Variants in PDZRN4 observed in about 807,000 individuals in gnomAD.
The protein encoded by PDZRN4 is PDZ domain containing ring finger 4.
PDZRN4 carries 70 observed loss-of-function variants against 99.0 expected under a neutral mutation model. That is an observed-to-expected ratio of 0.71 (90% CI 0.58 to 0.86). The LOEUF (loss-of-function observed/expected upper bound fraction) is 0.86, where lower values mean the gene tolerates loss of function less well. Ranked by LOEUF, PDZRN4 falls within the 40% of genes least tolerant of loss-of-function variation. The pLI, the probability that PDZRN4 is intolerant of heterozygous loss-of-function variation, is 0.00. For missense variants in PDZRN4, 1,474 were observed against 1,331.2 expected (o/e 1.11, Z -1.67); for synonymous variants, 551 against 501.6 (o/e 1.10, Z -1.32).
At chr12:41,499,067 AAG>A (rs142124646) in intron 3 of PDZRN4, among the ~76,000 whole-genome samples, 1 of 149,166 alleles carries the variant, frequency 6.7e-6, no homozygotes, top group African/African-American at 2.5e-5. Context: ...AGGGAATAGC[AAG>A]AGAGAGAGAG....
chr12:41,221,637 G>T (rs76453656), intron 3 of PDZRN4, among the ~76,000 whole-genome samples: 4,395 of 152,072 alleles, frequency 0.029, 163 homozygotes, highest in East Asian at 0.16. Context: ...GTAATTTAAG[G>T]CTTTTCAGGC....
chr12:41,279,333 G>A (rs1951369022), intron 3 of PDZRN4, among the ~76,000 whole-genome samples: 1 of 152,184 alleles, frequency 6.6e-6, no homozygotes, highest in South Asian at 2.1e-4. Context: ...ATTATTTCTA[G>A]TCATCTCAGC....
At chr12:41,274,221 T>TA (rs934611026) in intron 3 of PDZRN4, among the ~76,000 whole-genome samples, 2 of 152,100 alleles carry the variant, frequency 1.3e-5, no homozygotes, top group African/African-American at 2.4e-5. Flanking sequence ...TCAGGGTTTT[T>TA]AAAAAAACAG....
chr12:41,477,382 C>T (rs1937613091), intron 3 of PDZRN4, among the ~76,000 whole-genome samples: 1 of 152,102 alleles, frequency 6.6e-6, no homozygotes, highest in Non-Finnish European at 1.5e-5. Flanking sequence ...AATGAACAGG[C>T]TCTCACACAA....
chr12:41,200,521 G>A (rs574234689), intron 3 of PDZRN4, among the ~76,000 whole-genome samples: 4 of 152,076 alleles, frequency 2.6e-5, no homozygotes, highest in African/African-American at 9.7e-5. Context: ...CTAAACTCCT[G>A]AGAAGGGAAA....
chr12:41,430,311 A>C (rs945310141), intron 3 of PDZRN4, among the ~76,000 whole-genome samples: 11 of 152,170 alleles, frequency 7.2e-5, no homozygotes, highest in African/African-American at 2.7e-4. Context: ...TCTACTAAAA[A>C]TACAAAAATT....
intron 5 of PDZRN4, among the ~76,000 whole-genome samples, chr12:41,521,958 G>A (rs1938499593): frequency 1.3e-5 from 2 of 152,090 alleles, no homozygotes. Context: ...TGGAAGGGTA[G>A]TGTTTTTCCA....
chr12:41,308,574 G>A (rs1951586422), intron 3 of PDZRN4, among the ~76,000 whole-genome samples: 1 of 152,156 alleles, frequency 6.6e-6, no homozygotes, highest in African/African-American at 2.4e-5. Flanking sequence ...TCCAAACTGA[G>A]CACTAGAAAT....
chr12:41,480,761 G>A (rs1158954827), intron 3 of PDZRN4, among the ~76,000 whole-genome samples: 1 of 151,770 alleles, frequency 6.6e-6, no homozygotes, highest in African/African-American at 2.4e-5. Flanking sequence ...TAGGGGAGTA[G>A]GAATAGAAAG....
At chr12:41,410,624 C>A (rs1952390762) in intron 3 of PDZRN4, among the ~76,000 whole-genome samples, 1 of 152,036 alleles carries the variant, frequency 6.6e-6, no homozygotes, top group Admixed American at 6.6e-5. Context: ...TTGTTGGGTA[C>A]CCCATCCAGG....
rs1033919344 is a variant in PDZRN4 at position 41,188,379 on chromosome 12, G to A, written c.-77G>A. The A allele has an allele frequency of 2.2e-6, 3 of 1,361,840 alleles. No individual in the cohort carries two copies. The highest frequency in any genetic ancestry group is 3.0e-5 in the African/African-American group (2 of 66,736). The allele number at this position is 1,361,840 out of a possible 1,614,324, so 84.4% of individuals were successfully genotyped here. A position where few individuals can be genotyped will look rare whatever the true frequency, so the allele number is the denominator to read the frequency against. On this transcript the variant is annotated 5_prime_UTR_variant, in exon 1 of 10. Transcript: ENST00000402685. ...CGCCGCCGCGAGACGGCTGCCCCGG[G>A]GGTGGCCCGGGGAAGGCAGGGGGGC...
chr12:41,448,846 C>G (rs1163678320), intron 3 of PDZRN4, among the ~76,000 whole-genome samples: 1 of 152,024 alleles, frequency 6.6e-6, no homozygotes, highest in Non-Finnish European at 1.5e-5. Flanking sequence ...CAAGCTATAT[C>G]CCAGTTTCAG....
chr12:41,478,792 CTG>C (rs1937628994), intron 3 of PDZRN4, among the ~76,000 whole-genome samples: 1 of 152,100 alleles, frequency 6.6e-6, no homozygotes, highest in Non-Finnish European at 1.5e-5. Flanking sequence ...ACAACACACA[CTG>C]TTCCTGATAT....
intron 3 of PDZRN4, among the ~76,000 whole-genome samples, chr12:41,343,565 T>C (rs1951831915): frequency 6.6e-6 from 1 of 151,506 alleles, no homozygotes; most frequent in Non-Finnish European, 1.5e-5. Context: ...AAGCAGTGTT[T>C]ACCAGAGACT....
At chr12:41,521,048 C>T (rs1159954429) in intron 5 of PDZRN4, among the ~76,000 whole-genome samples, 2 of 152,136 alleles carry the variant, frequency 1.3e-5, no homozygotes, top group East Asian at 1.9e-4. Context: ...GTTTTGGAAC[C>T]GAAATCTAAT....
At chr12:41,518,840 T>G (rs1346819917) in intron 5 of PDZRN4, among the ~76,000 whole-genome samples, 1 of 151,920 alleles carries the variant, frequency 6.6e-6, no homozygotes, top group East Asian at 2.0e-4. Flanking sequence ...TCCCACCTAG[T>G]CAAGAGACTG....
intron 3 of PDZRN4, among the ~76,000 whole-genome samples, chr12:41,376,202 C>G (rs1952078414): frequency 6.6e-6 from 1 of 152,072 alleles, no homozygotes; most frequent in Non-Finnish European, 1.5e-5. Flanking sequence ...GTGCTGGTAT[C>G]TTTTCAACAT....
At chr12:41,196,968 G>C (rs1950777468) in intron 3 of PDZRN4, among the ~76,000 whole-genome samples, 2 of 152,104 alleles carry the variant, frequency 1.3e-5, no homozygotes, top group Admixed American at 6.5e-5. Context: ...GTACAAACTA[G>C]TTCATATATT....
chr12:41,515,773 C>T (rs1439568398), intron 5 of PDZRN4, among the ~76,000 whole-genome samples: 1 of 151,976 alleles, frequency 6.6e-6, no homozygotes, highest in Non-Finnish European at 1.5e-5. Flanking sequence ...TGTCTTGTAG[C>T]CAGTCCCTAG....
Sources: allele counts gnomAD v4.1 joint callset (sites outside exome capture counted in the v4.1 genomes callset), GRCh38; gene constraint gnomAD v4.1.1; transcripts MANE v1.5; gene names NCBI Gene and HGNC (gene_info 2026-07-23, HGNC 2026-07-21).